SPATA13: variants seen among roughly 807,000 people sequenced by gnomAD.
The protein encoded by SPATA13 is spermatogenesis associated 13, also known as spermatogenesis-associated protein 13.
A neutral mutation model predicts 104.0 loss-of-function variants in SPATA13; 50 were observed. That is an observed-to-expected ratio of 0.48 (90% confidence interval 0.38 to 0.61). SPATA13 has a LOEUF of 0.61. Ranked by LOEUF, SPATA13 falls within the 20% of genes least tolerant of loss-of-function variation. The pLI, the probability that SPATA13 is intolerant of heterozygous loss-of-function variation, is 0.00. For synonymous variants in SPATA13, 606 were observed against 667.5 expected, an observed-to-expected ratio of 0.91 and a Z score of 1.42; for missense variants, 1,524 against 1,690.6, an observed-to-expected ratio of 0.90 and a Z score of 1.73.
chr13:24,282,640 G>T (rs1875629237), intron 4 of SPATA13, among the ~76,000 whole-genome samples: 2 of 152,136 alleles, frequency 1.3e-5, no homozygotes, highest in African/African-American at 4.8e-5. Context: ...TGGCTTCCCT[G>T]GCCCCAGGCT....
At chr13:24,163,026 G>A in intron 1 of SPATA13, among the ~76,000 whole-genome samples, 1 of 152,312 alleles carries the variant, frequency 6.6e-6, no homozygotes. Flanking sequence ...CCTGGGGCCA[G>A]TGCCTGGGCT....
At chr13:24,212,610 C>CA (rs140406083) in intron 1 of SPATA13, among the ~76,000 whole-genome samples, 5,012 of 152,266 alleles carry the variant, frequency 0.033, 193 homozygotes, top group African/African-American at 0.091. Flanking sequence ...AATGAACCAG[C>CA]AGACTTTGAC....
chr13:24,041,022 G>A (rs1332721581), intron 3 of SPATA13, among the ~76,000 whole-genome samples: 2 of 152,214 alleles, frequency 1.3e-5, no homozygotes, highest in African/African-American at 4.8e-5. Flanking sequence ...ATGTGGACAA[G>A]CACAATTAAG....
At chr13:24,037,800 G>A (rs1429453031) in intron 3 of SPATA13, among the ~76,000 whole-genome samples, 2 of 152,052 alleles carry the variant, frequency 1.3e-5, no homozygotes, top group Admixed American at 6.5e-5. Context: ...CTTATTGGGG[G>A]CCCATGAAAC....
intron 2 of SPATA13, among the ~76,000 whole-genome samples, chr13:24,231,186 A>C (rs554746736): frequency 6.6e-6 from 1 of 152,190 alleles, no homozygotes; most frequent in East Asian, 1.9e-4. Context: ...ATGTTTATGG[A>C]GCTCTGCAGC....
chr13:24,047,324 AG>A lies in SPATA13; in HGVS notation c.-112+29624del, dbSNP rs753366877. Reference sequence around the variant, plus strand: ...AGAGGCAAGGAATTATAGAAAAGCAAGCCAGAGAACAGTGGCTGGTTATCAT... The same window carrying A: ...AGAGGCAAGGAATTATAGAAAAGCAACCAGAGAACAGTGGCTGGTTATCAT... On this transcript the variant is annotated intron_variant, in intron 3 of 14. Coordinates refer to the SPATA13 transcript ENST00000424834. Among the ~76,000 whole-genome samples, 8 of 152,250 alleles carry A rather than the reference AG, an allele frequency of 5.3e-5. No individual in the cohort carries two copies. The East Asian group carries it at 1.5e-3, about 29-fold the overall frequency.
chr13:24,043,855 C>T (rs1052503508), intron 3 of SPATA13, among the ~76,000 whole-genome samples: 1 of 152,188 alleles, frequency 6.6e-6, no homozygotes, highest in African/African-American at 2.4e-5. Flanking sequence ...GTAAGTGGAA[C>T]AAATGAAGTC....
intron 1 of SPATA13, among the ~76,000 whole-genome samples, chr13:24,219,726 A>T (rs1185380542): frequency 1.3e-5 from 2 of 152,198 alleles, no homozygotes; most frequent in Non-Finnish European, 2.9e-5. Flanking sequence ...GGGGCTCAGG[A>T]AGGAATTCCT....
intron 3 of SPATA13, among the ~76,000 whole-genome samples, chr13:24,039,815 A>G (rs1877846880): frequency 1.3e-5 from 2 of 152,182 alleles, no homozygotes; most frequent in African/African-American, 2.4e-5. Flanking sequence ...ACAGCTATCA[A>G]TGCTGTCATA....
chr13:24,139,031 G>T (rs536638842), intron 3 of SPATA13, among the ~76,000 whole-genome samples: 1 of 152,228 alleles, frequency 6.6e-6, no homozygotes, highest in East Asian at 1.9e-4. Context: ...CAACATAAAT[G>T]AATTCTCTCA....
intron 1 of SPATA13, among the ~76,000 whole-genome samples, chr13:24,189,682 T>TTA (rs571581780): frequency 0.7 from 8,118 of 11,580 alleles, 3,637 homozygotes; most frequent in Non-Finnish European, 0.96. Flanking sequence ...TTATATATAT[T>TTA]TATATATAAT....
chr13:24,194,903 A>G (rs774203755), intron 1 of SPATA13, among the ~76,000 whole-genome samples: 8 of 152,230 alleles, frequency 5.3e-5, no homozygotes, highest in Non-Finnish European at 1.2e-4. Context: ...GTAAGGATGA[A>G]TTATGACTAA....
intron 3 of SPATA13, among the ~76,000 whole-genome samples, chr13:24,130,029 A>G (rs73164086): frequency 0.028 from 4,247 of 152,314 alleles, 95 homozygotes; most frequent in Non-Finnish European, 0.039. Flanking sequence ...GGTAGCCAGG[A>G]GGCTACTCCA....
intron 3 of SPATA13, among the ~76,000 whole-genome samples, chr13:24,137,620 C>T (rs1269232424): frequency 4.0e-5 from 6 of 151,794 alleles, no homozygotes; most frequent in African/African-American, 1.2e-4. Context: ...ATTAGGCAAG[C>T]GTGGTACGCA....
Position 24,108,140 on chromosome 13 carries a change from G to C in SPATA13, c.-112+90439G>C, listed in dbSNP as rs563969962. Among the ~76,000 whole-genome samples, 124 of 152,324 alleles carry C rather than the reference G, an allele frequency of 8.1e-4. 1 individual carries two copies. The highest frequency in any genetic ancestry group is 2.9e-3 in the Admixed American group (45 of 15,302). ...TGCTGTGCCATCGCCCGGCTGCAGG[G>C]GGAAGGGGGGACACGCCCCTCAAGC... On this transcript the variant is annotated intron_variant, in intron 3 of 14. Transcript: ENST00000424834.
At position 24,070,912 on chromosome 13, in the gene SPATA13, T is replaced by C. The variant is rs117409049; in HGVS notation, c.-112+53211T>C. 2.2e-3 allele frequency among the ~76,000 whole-genome samples: 337 copies of C among 152,282 alleles called. 7 individuals carry two copies. In the East Asian group the frequency reaches 0.032, roughly 15 times the overall value. ...GAACTATGTCCTCAGCTCTCCCAGG[T>C]TTCCAGGCTGCCAACTCGTGCTGCA... On this transcript the variant is annotated intron_variant, in intron 3 of 14. Coordinates refer to the SPATA13 transcript ENST00000424834.
intron 3 of SPATA13, among the ~76,000 whole-genome samples, chr13:24,050,356 G>A (rs751809907): frequency 6.6e-6 from 1 of 151,978 alleles, no homozygotes; most frequent in African/African-American, 2.4e-5. Context: ...GTCAGTTTCC[G>A]GAGCCAAATT....
intron 3 of SPATA13, among the ~76,000 whole-genome samples, chr13:24,082,835 A>AAAAT (rs1330984624): frequency 6.8e-6 from 1 of 146,500 alleles, no homozygotes; most frequent in Non-Finnish European, 1.5e-5. Flanking sequence ...TCAAAAAAAA[A>AAAAT]AAAAAAAAAA....
In SPATA13 at chr13:24,288,881, T is replaced by C. The variant is rs932554074; in HGVS notation, c.2668-118T>C. ...GTACGATGACCTCATCAGAGACTCATAGAGTCTTTTTAATTAAAATTCATT... is the reference window on the plus strand; with the variant it reads ...GTACGATGACCTCATCAGAGACTCACAGAGTCTTTTTAATTAAAATTCATT... On this transcript the variant is annotated intron_variant, in intron 7 of 12. Coordinates refer to ENST00000382108, the MANE Select transcript of SPATA13 (RefSeq NM_001166271.3). The C allele has an allele frequency of 1.4e-5, 12 of 843,254 alleles. No individual in the cohort carries two copies. In the Admixed American group the frequency reaches 2.0e-4, roughly 14 times the overall value. 52.2% of individuals were successfully genotyped at this position (843,254 alleles called of 1,614,324 possible). A position where few individuals can be genotyped will look rare whatever the true frequency, so the allele number is the denominator to read the frequency against.
Sources: gnomAD v4.1 joint callset for allele counts (sites outside exome capture counted in the v4.1 genomes callset) on GRCh38, gnomAD v4.1.1 for gene constraint, MANE v1.5 for transcripts, NCBI Gene and HGNC (gene_info 2026-07-23, HGNC 2026-07-21) for gene names.